JCAD: variants seen among roughly 807,000 people sequenced by gnomAD.
JCAD encodes the protein junctional cadherin 5 associated, also known as junctional cadherin 5-associated protein.
A neutral mutation model predicts 98.0 loss-of-function variants in JCAD; 40 were observed. The observed-to-expected ratio is 0.41, with a 90% confidence interval of 0.32 to 0.53. The LOEUF is 0.53. Ranked by LOEUF, JCAD falls within the 20% of genes least tolerant of loss-of-function variation. The pLI is 0.31. For missense variants in JCAD, 1,705 were observed against 1,738.1 expected (o/e 0.98, Z 0.34); for synonymous variants, 691 against 682.3 (o/e 1.01, Z -0.20).
intron 1 of JCAD, among the ~76,000 whole-genome samples, chr10:30,113,346 T>C (rs770231141): frequency 7.0e-4 from 104 of 147,796 alleles, no homozygotes; most frequent in Admixed American, 1.4e-3. Flanking sequence ...AGGTCAGGAG[T>C]TCAAGACCAG....
chr10:30,076,988 A>T (rs1205508726), intron 1 of JCAD, among the ~76,000 whole-genome samples: 1 of 152,216 alleles, frequency 6.6e-6, no homozygotes, highest in Non-Finnish European at 1.5e-5. Context: ...GAAGGCAGAA[A>T]AATGGACACA....
chr10:30,111,413 G>A (rs1037972313), intron 1 of JCAD, among the ~76,000 whole-genome samples: 20 of 152,136 alleles, frequency 1.3e-4, no homozygotes, highest in African/African-American at 4.6e-4. Context: ...TTAGGCCCAG[G>A]GCTGGGGAAT....
upstream of JCAD, among the ~76,000 whole-genome samples, chr10:30,064,100 C>T (rs1376614953): frequency 6.6e-6 from 1 of 152,030 alleles, no homozygotes; most frequent in African/African-American, 2.4e-5. Context: ...CCATTGCGCC[C>T]AGCCCAAGAG....
At chr10:30,045,611 T>C (rs1046528191) in intron 2 of JCAD, among the ~76,000 whole-genome samples, 3 of 152,186 alleles carry the variant, frequency 2.0e-5, no homozygotes, top group African/African-American at 7.2e-5. Flanking sequence ...TAAGGTTATC[T>C]GAACCCTCAG....
At chr10:30,057,716 G>C (rs1283038467) in intron 1 of JCAD, among the ~76,000 whole-genome samples, 1 of 152,192 alleles carries the variant, frequency 6.6e-6, no homozygotes, top group Admixed American at 6.5e-5. Flanking sequence ...ACAAATATTT[G>C]CTCGCCCACT....
chr10:30,085,037 G>A (rs139995768), intron 1 of JCAD, among the ~76,000 whole-genome samples: 10 of 152,266 alleles, frequency 6.6e-5, no homozygotes, highest in Non-Finnish European at 1.3e-4. Context: ...ATAAAATAAA[G>A]AAACAATCCT....
chr10:30,069,261 A>C (rs1270358060), intron 2 of JCAD, among the ~76,000 whole-genome samples: 1 of 152,020 alleles, frequency 6.6e-6, no homozygotes, highest in East Asian at 1.9e-4. Context: ...GTGGGGGCCA[A>C]AGCATTAGCT....
At chr10:30,090,981 C>T (rs1421030274) in intron 1 of JCAD, among the ~76,000 whole-genome samples, 1 of 152,182 alleles carries the variant, frequency 6.6e-6, no homozygotes, top group South Asian at 2.1e-4. Context: ...CATTAATCTT[C>T]CAGGCCCACT....
intron 1 of JCAD, among the ~76,000 whole-genome samples, chr10:30,078,063 C>T (rs61841135): frequency 6.6e-6 from 1 of 152,200 alleles, no homozygotes; most frequent in Non-Finnish European, 1.5e-5. Flanking sequence ...CTCCATATCC[C>T]TGCCAATATT....
intron 2 of JCAD, among the ~76,000 whole-genome samples, chr10:30,042,573 G>A (rs1482022077): frequency 6.8e-6 from 1 of 147,152 alleles, no homozygotes; most frequent in Non-Finnish European, 1.5e-5. Flanking sequence ...GAAGGGAAGA[G>A]GAGCAAAACA....
intron 1 of JCAD, among the ~76,000 whole-genome samples, chr10:30,102,525 T>G (rs1380784469): frequency 2.0e-5 from 3 of 152,234 alleles, no homozygotes; most frequent in African/African-American, 7.2e-5. Flanking sequence ...GGCATAATGT[T>G]GCACAGCAGA....
At chr10:30,105,498 A>G (rs1319969866) in intron 1 of JCAD, among the ~76,000 whole-genome samples, 6 of 151,182 alleles carry the variant, frequency 4.0e-5, no homozygotes, top group Non-Finnish European at 8.8e-5. Flanking sequence ...TAATTTTTGT[A>G]TTTTTAGTAG....
chr10:30,094,873 T>C (rs1838344163), intron 1 of JCAD, among the ~76,000 whole-genome samples: 1 of 152,162 alleles, frequency 6.6e-6, no homozygotes, highest in South Asian at 2.1e-4. Context: ...TTCCCTTCTT[T>C]TCCTCCTCCT....
chr10:30,035,493 G>A lies in JCAD; in HGVS notation c.282-5627C>T, dbSNP rs141388450. Among the ~76,000 whole-genome samples the A allele has an allele frequency of 3.8e-3, 572 of 152,302 alleles. 5 individuals are homozygous for A. Among genetic ancestry groups the A allele is most frequent in the African/African-American group, 0.013 (542 of 41,552 alleles). On this transcript the variant is annotated intron_variant, in intron 2 of 3. Coordinates refer to ENST00000375377, the MANE Select transcript of JCAD (RefSeq NM_020848.4). ...GGGCTGGGCTCTGACAGGTGCAAGCGGACTCCCCATGGGGGTCGCTCTGGT... is the reference window on the plus strand; with the variant it reads ...GGGCTGGGCTCTGACAGGTGCAAGCAGACTCCCCATGGGGGTCGCTCTGGT...
Position 30,015,827 on chromosome 10 carries a change from C to T in JCAD, c.*2056G>A, listed in dbSNP as rs1287838141. ...GTATATAAATGTATATACACATATA[C>T]CTTCTTACGTTTGCATTTAAAGAGG... On this transcript the variant is annotated 3_prime_UTR_variant, in exon 4 of 4. Coordinates refer to ENST00000375377, the MANE Select transcript of JCAD (RefSeq NM_020848.4). 6.6e-6 allele frequency: 1 copy of T among 152,104 alleles called. No homozygotes were observed. The highest frequency in any genetic ancestry group is 1.5e-5 in the Non-Finnish European group (1 of 68,032). The allele number at this position is 152,104 out of a possible 1,614,324, so 9.4% of individuals were successfully genotyped here. A position where few individuals can be genotyped will look rare whatever the true frequency, so the allele number is the denominator to read the frequency against.
At chr10:30,068,390 CAAAA>C (rs34060997) in intron 2 of JCAD, among the ~76,000 whole-genome samples, 21 of 48,196 alleles carry the variant, frequency 4.4e-4, no homozygotes, top group Middle Eastern at 0.024. Context: ...AACTCTGTCT[CAAAA>C]AAAAAAAAAA....
chr10:30,054,108 C>A (rs555261492), intron 1 of JCAD, among the ~76,000 whole-genome samples: 70 of 152,254 alleles, frequency 4.6e-4, no homozygotes, highest in African/African-American at 1.6e-3. Context: ...TATGTATACA[C>A]ATACATAAAA....
At chr10:30,102,055 A>G (rs1234979148) in intron 1 of JCAD, among the ~76,000 whole-genome samples, 2 of 152,136 alleles carry the variant, frequency 1.3e-5, no homozygotes, top group Non-Finnish European at 2.9e-5. Flanking sequence ...TCCACAACTC[A>G]TCTCCCACCT....
upstream of JCAD, among the ~76,000 whole-genome samples, chr10:30,061,289 T>A (rs1564459421): frequency 6.6e-6 from 1 of 152,160 alleles, no homozygotes. Flanking sequence ...ATGCCTGTAA[T>A]CCCAGCACTT....
Sources: gnomAD v4.1 joint callset for allele counts (sites outside exome capture counted in the v4.1 genomes callset) on GRCh38, gnomAD v4.1.1 for gene constraint, MANE v1.5 for transcripts, NCBI Gene and HGNC (gene_info 2026-07-23, HGNC 2026-07-21) for gene names.